Variants in EHMT1 observed in about 807,000 individuals in gnomAD.
The protein encoded by EHMT1 is histone-lysine N-methyltransferase EHMT1.
Under a neutral mutation model 147.2 loss-of-function variants are expected in EHMT1, and 15 were observed. The observed-to-expected ratio is 0.10, with a 90% confidence interval of 0.07 to 0.16. EHMT1 has a LOEUF of 0.16. Ranked by LOEUF, EHMT1 falls within the 10% of genes least tolerant of loss-of-function variation. The pLI, the probability that EHMT1 is intolerant of heterozygous loss-of-function variation, is 1.00. For synonymous variants in EHMT1, 795 were observed against 709.6 expected, an observed-to-expected ratio of 1.12 and a Z score of -1.91; for missense variants, 1,587 against 1,772.4, an observed-to-expected ratio of 0.90 and a Z score of 1.88.
intron 1 of EHMT1, among the ~76,000 whole-genome samples, chr9:137,678,697 G>A (rs1941631819): frequency 6.6e-6 from 1 of 150,440 alleles, no homozygotes; most frequent in South Asian, 2.1e-4. Context: ...CACAGTAAAA[G>A]TTATATGAAT....
At chr9:137,798,625 CAG>C (rs1448750152) in intron 16 of EHMT1, among the ~76,000 whole-genome samples, 186 bp from the exon 17 acceptor site, 5 of 152,226 alleles carry the variant, frequency 3.3e-5, no homozygotes, top group African/African-American at 4.8e-5. Flanking sequence ...CATGGGGCCA[CAG>C]GGGGCTGCAC....
At chr9:137,817,622 C>A in intron 24 of EHMT1, 97 bp downstream of exon 24, 1 of 1,504,314 alleles carries the variant, frequency 6.6e-7, no homozygotes, top group Non-Finnish European at 9.2e-7. Context: ...GGAGCAGGCA[C>A]ATCCCTGGCG....
chr9:137,740,871 C>CGGCT (rs1304022854), intron 4 of EHMT1, among the ~76,000 whole-genome samples: 1 of 149,264 alleles, frequency 6.7e-6, no homozygotes, highest in Non-Finnish European at 1.5e-5. Context: ...GGTGCGATCT[C>CGGCT]GGCTCACTGC....
intron 1 of EHMT1, chr9:137,651,110 A>C (rs1937765550): frequency 6.6e-6 from 1 of 152,008 alleles, no homozygotes; most frequent in Admixed American, 6.6e-5. Flanking sequence ...GATATGGAAA[A>C]ACTGGAACCC....
intron 16 of EHMT1, 150 bp from the exon 17 acceptor site, chr9:137,798,663 C>G (rs541649623): frequency 1.4e-6 from 1 of 725,446 alleles, no homozygotes; most frequent in Non-Finnish European, 2.5e-6. Context: ...CGGCTGTTCC[C>G]TCGGCCTCAG....
intron 1 of EHMT1, among the ~76,000 whole-genome samples, chr9:137,678,882 G>A (rs1941661470): frequency 6.6e-6 from 1 of 152,162 alleles, no homozygotes; most frequent in Admixed American, 6.5e-5. Context: ...TGATGGTGCA[G>A]TGCCAGAGTT....
chr9:137,706,342 G>C (rs1400874278), intron 1 of EHMT1, among the ~76,000 whole-genome samples: 8 of 152,212 alleles, frequency 5.3e-5, no homozygotes, highest in Admixed American at 3.9e-4. Context: ...TGAGTGGAAA[G>C]GTCTTGATTT....
chr9:137,723,769 A>G (rs1946323727), intron 3 of EHMT1, among the ~76,000 whole-genome samples: 1 of 152,238 alleles, frequency 6.6e-6, no homozygotes, highest in South Asian at 2.1e-4. Context: ...TTCCAGTGAT[A>G]AAACGAATGT....
At chr9:137,715,686 G>A in intron 2 of EHMT1, 1 of 985,414 alleles carries the variant, frequency 1.0e-6, no homozygotes, top group Non-Finnish European at 1.2e-6. Context: ...GACTGCCCTG[G>A]ATATGATTTC....
intron 3 of EHMT1, among the ~76,000 whole-genome samples, chr9:137,721,205 TCCCAGACTTCTCACACTCACC>T (rs1945950719): frequency 5.2e-5 from 1 of 19,316 alleles, no homozygotes; most frequent in African/African-American, 2.9e-4. Context: ...CACTCACCCC[TCCCAGACTTCTCACACTCACC>T]CCTCCCAGAC....
chr9:137,750,019 C>G (rs911625117), intron 6 of EHMT1, among the ~76,000 whole-genome samples: 1 of 152,104 alleles, frequency 6.6e-6, no homozygotes, highest in South Asian at 2.1e-4. Flanking sequence ...AGAGAAGAAC[C>G]GGAAATAAAC....
At chr9:137,717,325 G>A (rs537389383) in intron 3 of EHMT1, 143 bp downstream of exon 3, 73 of 1,084,336 alleles carry the variant, frequency 6.7e-5, no homozygotes, top group Non-Finnish European at 8.4e-5. Context: ...GGAGAAGGCC[G>A]GGAGCAGTGG....
rs182723014 is a variant in EHMT1 at position 137,736,617 on chromosome 9, G to A, written c.824-6754G>A. 2.2e-3 allele frequency among the ~76,000 whole-genome samples: 335 copies of A among 152,368 alleles called. 3 individuals carry two copies. The highest frequency in any genetic ancestry group is 7.4e-3 in the African/African-American group (308 of 41,582). ...TAAAATACAGAGATTTGAGCCGGGC[G>A]CGATGGCGCACGCCTGTAATCCCAG... On this transcript the variant is annotated intron_variant, in intron 4 of 26. Coordinates refer to ENST00000460843, the MANE Select transcript of EHMT1 (RefSeq NM_024757.5).
intron 3 of EHMT1, 69 bp downstream of exon 3, chr9:137,717,251 T>G: frequency 6.4e-7 from 1 of 1,564,340 alleles, no homozygotes; most frequent in South Asian, 1.1e-5. Context: ...GCAAATGGAC[T>G]TTGGTGCATT....
intron 22 of EHMT1, chr9:137,815,251 G>A (rs11137246): frequency 0.042 from 6,960 of 165,146 alleles, 484 homozygotes; most frequent in African/African-American, 0.15. Flanking sequence ...AAAAGGATTC[G>A]TGCCAGTGAG....
chr9:137,770,503 A>G (rs978031494), intron 10 of EHMT1, among the ~76,000 whole-genome samples: 1 of 152,138 alleles, frequency 6.6e-6, no homozygotes, highest in Non-Finnish European at 1.5e-5. Context: ...TTCAACCTCA[A>G]TATTTTTGAT....
rs1391008388 is a variant in EHMT1 at position 137,835,563 on chromosome 9, C to T, written c.*610C>T. Reference sequence around the variant, plus strand: ...CTATATCTAGTCCTATATATCAAACCTCTAACTGACGTTTCTTTTCGAGGA... The same window carrying T: ...CTATATCTAGTCCTATATATCAAACTTCTAACTGACGTTTCTTTTCGAGGA... On this transcript the variant is annotated 3_prime_UTR_variant, in exon 27 of 27. Coordinates refer to ENST00000460843, the MANE Select transcript of EHMT1 (RefSeq NM_024757.5). 6.6e-6 allele frequency: 1 copy of T among 152,586 alleles called. No homozygotes were observed. Among genetic ancestry groups the T allele is most frequent in the Non-Finnish European group, 1.5e-5 (1 of 67,998 alleles). 9.5% of individuals were successfully genotyped at this position (152,586 alleles called of 1,614,324 possible). A position where few individuals can be genotyped will look rare whatever the true frequency, so the allele number is the denominator to read the frequency against.
intron 1 of EHMT1, among the ~76,000 whole-genome samples, chr9:137,624,571 C>T (rs1046901298): frequency 2.6e-5 from 4 of 152,220 alleles, no homozygotes; most frequent in Admixed American, 1.3e-4. Flanking sequence ...CCACCTTCCT[C>T]AGCCTCCCAA....
chr9:137,730,138 C>T lies in EHMT1; in HGVS notation c.823+1609C>T, dbSNP rs536200012. On this transcript the variant is annotated intron_variant, in intron 4 of 26. Transcript: ENST00000460843. ...GGATTGTGTGCAGGTCGTGGAGCGA[C>T]GCAGGTGACTGACAAGTGTCCTTAG... 2.6e-5 allele frequency among the ~76,000 whole-genome samples: 4 copies of T among 152,288 alleles called. No homozygotes were observed. In the South Asian group the frequency reaches 6.2e-4, roughly 24 times the overall value.
Sources: allele counts gnomAD v4.1 joint callset (sites outside exome capture counted in the v4.1 genomes callset), GRCh38; gene constraint gnomAD v4.1.1; transcripts MANE v1.5; gene names NCBI Gene and HGNC (gene_info 2026-07-23, HGNC 2026-07-21).